The following PRSS55 variants were observed in gnomAD, a reference collection of about 807,000 sequenced individuals.
PRSS55 encodes the protein serine protease 55, also known as probable serine protease UNQ9391/PRO34284.
In PRSS55, 41 loss-of-function variants were observed where a neutral mutation model predicts 23.6. That is an observed-to-expected ratio of 1.74 (90% CI 1.35 to 2.26). The LOEUF (loss-of-function observed/expected upper bound fraction) is 2.26. Among genes scored for constraint, PRSS55 ranks in the 30% most tolerant of loss-of-function variants. The pLI is 0.00. For synonymous variants in PRSS55, 262 were observed against 175.5 expected (o/e 1.49, Z -3.90); for missense variants, 669 against 439.1 (o/e 1.52, Z -4.68).
chr8:10,530,022 G>A (rs564681724), intron 2 of PRSS55, among the ~76,000 whole-genome samples: 1 of 152,292 alleles, frequency 6.6e-6, no homozygotes, highest in Admixed American at 6.5e-5. Flanking sequence ...AGTCCATCTA[G>A]GGGGAAATCC....
downstream of PRSS55, among the ~76,000 whole-genome samples, chr8:10,541,761 T>G (rs1465508678): frequency 1.3e-5 from 2 of 152,138 alleles, no homozygotes; most frequent in Non-Finnish European, 2.9e-5. Flanking sequence ...TGTTGCTGTT[T>G]CACTTTTCTT....
chr8:10,526,640 C>T (rs943075310), intron 1 of PRSS55, among the ~76,000 whole-genome samples: 3 of 152,214 alleles, frequency 2.0e-5, no homozygotes, highest in Non-Finnish European at 2.9e-5. Context: ...AAAGTCAACA[C>T]GATTCCATAC....
At chr8:10,541,813 C>T (rs546316556), downstream of PRSS55, among the ~76,000 whole-genome samples, 1 of 152,214 alleles carries the variant, frequency 6.6e-6, no homozygotes, top group South Asian at 2.1e-4. Context: ...GGCTGGAGTG[C>T]AGTGCCATGA....
intron 4 of PRSS55, among the ~76,000 whole-genome samples, chr8:10,547,936 G>C (rs1178933271): frequency 1.1e-4 from 16 of 151,086 alleles, no homozygotes; most frequent in Non-Finnish European, 2.2e-4. Context: ...AACATGACTG[G>C]TGGAGAGGCA....
chr8:10,538,751 C>T lies in PRSS55; in HGVS notation c.1017C>T (p.Leu339=), dbSNP rs1297394535. Reference sequence around the variant, plus strand: ...GCAGCCCCAGATCCTGGCTCCTGCTCTGTCCCCTGTCCCATGTGTTGTTCA... The same window carrying T: ...GCAGCCCCAGATCCTGGCTCCTGCTTTGTCCCCTGTCCCATGTGTTGTTCA... The part of the protein sequence containing the change: ...EPGSPRSWLL[L]CPLSHVLFRA... The change falls in exon 5 of 5, where the codon CTC becomes CTT. Residue 339 remains leucine, a synonymous_variant. Transcript: ENST00000328655. 1.2e-6 allele frequency: 2 copies of T among 1,604,398 alleles called. No homozygotes were observed. Among genetic ancestry groups the T allele is most frequent in the Non-Finnish European group, 1.7e-6 (2 of 1,176,458 alleles).
chr8:10,525,571 G>T lies in PRSS55; in HGVS notation c.-15G>T. On this transcript the variant is annotated 5_prime_UTR_variant, in exon 1 of 5. Coordinates refer to ENST00000328655, the MANE Select transcript of PRSS55 (RefSeq NM_198464.4). Reference sequence around the variant, plus strand: ...GGCCTCTGTCACCCCCGGGCCCACAGCACAGCCCAGGGCCATGCTCCTGTT... The same window carrying T: ...GGCCTCTGTCACCCCCGGGCCCACATCACAGCCCAGGGCCATGCTCCTGTT... 6.2e-7 allele frequency: 1 copy of T among 1,610,466 alleles called. No homozygotes were observed. The highest frequency in any genetic ancestry group is 8.5e-7 in the Non-Finnish European group (1 of 1,177,532).
At chr8:10,544,208 G>A (rs1282636463) in intron 4 of PRSS55, among the ~76,000 whole-genome samples, 3 of 152,044 alleles carry the variant, frequency 2.0e-5, no homozygotes, top group Admixed American at 6.6e-5. Flanking sequence ...TCTATTGTTA[G>A]ATGCACGTAT....
intron 4 of PRSS55, among the ~76,000 whole-genome samples, chr8:10,534,990 T>C (rs1290104412): frequency 6.6e-6 from 1 of 152,080 alleles, no homozygotes; most frequent in Non-Finnish European, 1.5e-5. Flanking sequence ...GAATAAAATA[T>C]CTAGGAATAC....
At chr8:10,539,633 G>T (rs369408972), downstream of PRSS55, among the ~76,000 whole-genome samples, 7 of 152,272 alleles carry the variant, frequency 4.6e-5, no homozygotes, top group African/African-American at 1.7e-4. Flanking sequence ...TCCCCATACT[G>T]TTCTCATGGT....
chr8:10,529,814 G>A (rs902024928), intron 2 of PRSS55, 115 bp downstream of exon 2: 27 of 1,026,600 alleles, frequency 2.6e-5, no homozygotes, highest in African/African-American at 3.2e-5. Flanking sequence ...GTATCCAGTC[G>A]GCATGAATGG....
intron 2 of PRSS55, among the ~76,000 whole-genome samples, chr8:10,530,621 A>G (rs1812218323): frequency 2.0e-5 from 3 of 152,316 alleles, no homozygotes; most frequent in African/African-American, 7.2e-5. Flanking sequence ...CCCATCTAGT[A>G]TATAGAGACA....
intron 4 of PRSS55, among the ~76,000 whole-genome samples, chr8:10,549,847 C>A (rs904427500): frequency 6.6e-6 from 1 of 152,192 alleles, no homozygotes; most frequent in African/African-American, 2.4e-5. Flanking sequence ...AGGCCCTGTT[C>A]CCGGCCTGGC....
chr8:10,540,285 T>G (rs952442295), downstream of PRSS55: 1 of 152,280 alleles, frequency 6.6e-6, no homozygotes, highest in Non-Finnish European at 1.5e-5. Flanking sequence ...GCTTCTTTCC[T>G]CTGGATTCGA....
chr8:10,538,333 T>G, intron 4 of PRSS55, 143 bp from the exon 5 acceptor site: 1 of 659,234 alleles, frequency 1.5e-6, no homozygotes, highest in Non-Finnish European at 2.6e-6. Context: ...GGCAGCCACA[T>G]GCTTCTCCCG....
chr8:10,538,427 G>T, intron 4 of PRSS55, 49 bp from the exon 5 acceptor site: 1 of 1,421,408 alleles, frequency 7.0e-7, no homozygotes, highest in South Asian at 1.3e-5. Flanking sequence ...AGCCTCAGAT[G>T]GGCAGCTTAG....
chr8:10,538,097 C>T (rs890169240), intron 4 of PRSS55, among the ~76,000 whole-genome samples: 2 of 152,190 alleles, frequency 1.3e-5, no homozygotes, highest in African/African-American at 4.8e-5. Context: ...ATGTCCCATT[C>T]CCTTTCCTGC....
downstream of PRSS55, chr8:10,541,500 A>G (rs367933519): frequency 1.4e-4 from 21 of 152,274 alleles, no homozygotes; most frequent in Middle Eastern, 6.8e-3. Flanking sequence ...GCTCTCCTGC[A>G]TCTCGAGCCT....
chr8:10,542,414 C>CGGG (rs143347906), downstream of PRSS55, among the ~76,000 whole-genome samples: 4 of 79,706 alleles, frequency 5.0e-5, no homozygotes, highest in African/African-American at 1.0e-4. Flanking sequence ...AAGCACCATG[C>CGGG]GGGGGAAAAA....
intron 3 of PRSS55, among the ~76,000 whole-genome samples, 181 bp from the exon 4 acceptor site, chr8:10,532,725 T>G (rs1341720266): frequency 6.6e-6 from 1 of 151,514 alleles, no homozygotes; most frequent in Non-Finnish European, 1.5e-5. Context: ...CTGTGGGAGT[T>G]GTTGGGGGAG....
Sources: allele counts gnomAD v4.1 joint callset (sites outside exome capture counted in the v4.1 genomes callset), GRCh38; gene constraint gnomAD v4.1.1; transcripts MANE v1.5; gene names NCBI Gene and HGNC (gene_info 2026-07-23, HGNC 2026-07-21).